Variants in NELL2 observed in about 807,000 individuals in gnomAD.
The protein encoded by NELL2 is protein kinase C-binding protein NELL2.
Under a neutral mutation model 109.6 loss-of-function variants are expected in NELL2, and 41 were observed. That is an observed-to-expected ratio of 0.37 (90% CI 0.29 to 0.49). The LOEUF (loss-of-function observed/expected upper bound fraction) is 0.49, where lower values mean the gene tolerates loss of function less well. Among genes scored for constraint, NELL2 ranks in the 20% least tolerant of loss-of-function variants. The pLI is 0.98. For missense variants in NELL2, 900 were observed against 1,008.3 expected (o/e 0.89, Z 1.45); for synonymous variants, 355 against 344.7 (o/e 1.03, Z -0.33).
intron 13 of NELL2, among the ~76,000 whole-genome samples, chr12:44,648,574 A>G (rs560074486): frequency 6.6e-6 from 1 of 151,900 alleles, no homozygotes; most frequent in African/African-American, 2.4e-5. Flanking sequence ...TGTGAAGACA[A>G]AGCTGGTGAC....
Position 44,522,124 on chromosome 12 carries a change from A to G in NELL2, c.2051T>C (p.Val684Ala), listed in dbSNP as rs1485339815. ...ACATTCAGGGCAGCAAAAAAGATCAACTGTGGGATTCTCACAGTCACAGAC... is the reference window on the plus strand; with the variant it reads ...ACATTCAGGGCAGCAAAAAAGATCAGCTGTGGGATTCTCACAGTCACAGAC... ...RMVCDCENPTVDLFCCPECDP... is the reference protein window; with the variant it reads ...RMVCDCENPTADLFCCPECDP... The change falls in exon 18 of 20, where the codon GTT becomes GCT. Residue 684 changes from valine (V) to alanine (A), a missense_variant. Coordinates refer to ENST00000429094, the MANE Select transcript of NELL2 (RefSeq NM_001145108.2). 2 of 1,614,128 alleles carry G rather than the reference A, an allele frequency of 1.2e-6. No individual in the cohort carries two copies. Among genetic ancestry groups the G allele is most frequent in the Admixed American group, 3.3e-5 (2 of 60,024 alleles).
chr12:44,635,729 C>G (rs1946615201), intron 13 of NELL2, among the ~76,000 whole-genome samples: 1 of 152,126 alleles, frequency 6.6e-6, no homozygotes, highest in South Asian at 2.1e-4. Flanking sequence ...ATGCCTCTAG[C>G]TTTGTTCTCT....
chr12:44,808,208 C>T (rs918920224), intron 3 of NELL2, among the ~76,000 whole-genome samples: 3 of 152,030 alleles, frequency 2.0e-5, no homozygotes, highest in Non-Finnish European at 4.4e-5. Flanking sequence ...AAAAAAAATG[C>T]CTCGCTTCTT....
intron 1 of NELL2, among the ~76,000 whole-genome samples, chr12:44,893,483 C>A (rs1237840172): frequency 6.6e-6 from 1 of 152,118 alleles, no homozygotes; most frequent in African/African-American, 2.4e-5. Context: ...CCTCACTTAA[C>A]TAACAAGTGT....
At chr12:44,662,567 T>C (rs1947783297) in intron 13 of NELL2, among the ~76,000 whole-genome samples, 1 of 152,162 alleles carries the variant, frequency 6.6e-6, no homozygotes, top group African/African-American at 2.4e-5. Flanking sequence ...CAAAATTTTA[T>C]GAACATGAGG....
At chr12:44,767,533 A>G (rs899948696) in intron 9 of NELL2, among the ~76,000 whole-genome samples, 15 of 142,852 alleles carry the variant, frequency 1.1e-4, no homozygotes, top group African/African-American at 3.9e-4. Flanking sequence ...AACTTACTCT[A>G]TAGAAAAAAG....
At chr12:44,901,357 C>T (rs532890719) in intron 1 of NELL2, among the ~76,000 whole-genome samples, 8 of 152,098 alleles carry the variant, frequency 5.3e-5, no homozygotes, top group East Asian at 1.9e-4. Flanking sequence ...AGGAAGAAGT[C>T]GAATCCCTGA....
At chr12:44,758,262 T>C (rs1486485292) in intron 9 of NELL2, among the ~76,000 whole-genome samples, 1 of 152,168 alleles carries the variant, frequency 6.6e-6, no homozygotes, top group Non-Finnish European at 1.5e-5. Context: ...GAGTGAAAGT[T>C]TGCAACATTC....
At chr12:44,835,003 G>A (rs1944008667) in intron 2 of NELL2, among the ~76,000 whole-genome samples, 1 of 152,138 alleles carries the variant, frequency 6.6e-6, no homozygotes, top group Non-Finnish European at 1.5e-5. Flanking sequence ...TTGCTGGAGG[G>A]GCCAAAGCCC....
intron 16 of NELL2, among the ~76,000 whole-genome samples, chr12:44,531,236 G>A (rs1227906367): frequency 1.3e-5 from 2 of 152,190 alleles, no homozygotes; most frequent in Non-Finnish European, 2.9e-5. Flanking sequence ...GCTTCTGTAT[G>A]ATTTGCATTA....
At chr12:44,819,415 T>C (rs1943468251) in intron 2 of NELL2, among the ~76,000 whole-genome samples, 1 of 152,224 alleles carries the variant, frequency 6.6e-6, no homozygotes, top group South Asian at 2.1e-4. Flanking sequence ...CTTTCCCAAA[T>C]CAAATTGACT....
intron 15 of NELL2, among the ~76,000 whole-genome samples, chr12:44,601,736 T>C (rs1565999529): frequency 6.6e-6 from 1 of 152,202 alleles, no homozygotes; most frequent in South Asian, 2.1e-4. Context: ...TGGTGCTATG[T>C]GCCTTACTTC....
At chr12:44,562,655 A>T (rs1943510270) in intron 15 of NELL2, among the ~76,000 whole-genome samples, 1 of 152,258 alleles carries the variant, frequency 6.6e-6, no homozygotes, top group Non-Finnish European at 1.5e-5. Context: ...ATCACTAAAA[A>T]GTTAGGAAAC....
intron 2 of NELL2, among the ~76,000 whole-genome samples, chr12:44,852,489 C>T (rs1944562743): frequency 6.6e-6 from 1 of 152,062 alleles, no homozygotes. Context: ...TTAAACATTC[C>T]CTCTCTTTTC....
chr12:44,600,068 T>G (rs1268088585), intron 15 of NELL2, among the ~76,000 whole-genome samples: 1 of 149,618 alleles, frequency 6.7e-6, no homozygotes, highest in Admixed American at 6.7e-5. Flanking sequence ...TTCACGCCAT[T>G]CTCCTGCCTC....
At chr12:44,554,984 T>G (rs1487898139) in intron 15 of NELL2, among the ~76,000 whole-genome samples, 2 of 152,190 alleles carry the variant, frequency 1.3e-5, no homozygotes, top group Non-Finnish European at 2.9e-5. Flanking sequence ...TAGCCTCCTT[T>G]TAGAATGGGG....
At chr12:44,811,037 GA>G (rs1315124834) in intron 3 of NELL2, among the ~76,000 whole-genome samples, 14 of 152,032 alleles carry the variant, frequency 9.2e-5, no homozygotes, top group Admixed American at 5.9e-4. Context: ...GGACATGGAT[GA>G]AGCTGAAAGC....
At chr12:44,605,316 GTAAGGTGATGTA>G (rs1371485905) in intron 15 of NELL2, among the ~76,000 whole-genome samples, 1 of 152,128 alleles carries the variant, frequency 6.6e-6, no homozygotes, top group Non-Finnish European at 1.5e-5. Context: ...ATGGCGAAGA[GTAAGGTGATGTA>G]TAAAGGGTAC....
chr12:44,583,089 C>T (rs1428477145), intron 15 of NELL2, among the ~76,000 whole-genome samples: 1 of 152,114 alleles, frequency 6.6e-6, no homozygotes, highest in Non-Finnish European at 1.5e-5. Context: ...TAAAATTACC[C>T]AGTATGTGGT....
Sources: allele counts gnomAD v4.1 joint callset (sites outside exome capture counted in the v4.1 genomes callset), GRCh38; gene constraint gnomAD v4.1.1; transcripts MANE v1.5; gene names NCBI Gene and HGNC (gene_info 2026-07-23, HGNC 2026-07-21).